NRXN3: variants seen among roughly 807,000 people sequenced by gnomAD.
NRXN3 encodes the protein neurexin 3, also known as neurexin III.
In NRXN3, 32 loss-of-function variants were observed where a neutral mutation model predicts 137.6. The ratio of observed to expected loss-of-function variants is 0.23; its 90% confidence interval spans 0.18 to 0.31. The LOEUF (loss-of-function observed/expected upper bound fraction) is 0.31, where lower values mean the gene tolerates loss of function less well. Among genes scored for constraint, NRXN3 ranks in the 10% least tolerant of loss-of-function variants. The pLI is 1.00. For missense variants in NRXN3, 1,574 were observed against 2,062.5 expected (o/e 0.76, Z 4.59); for synonymous variants, 798 against 784.5 (o/e 1.02, Z -0.29).
chr14:78,882,981 T>A (rs2099133613), intron 10 of NRXN3, among the ~76,000 whole-genome samples: 1 of 152,118 alleles, frequency 6.6e-6, no homozygotes, highest in South Asian at 2.1e-4. Flanking sequence ...GTGAGTGAGT[T>A]CTCACAAGAG....
intron 18 of NRXN3, among the ~76,000 whole-genome samples, chr14:79,693,344 GAC>G (rs2098723146): frequency 6.6e-6 from 1 of 151,990 alleles, no homozygotes; most frequent in African/African-American, 2.4e-5. Context: ...GTTGGAGGAA[GAC>G]ATTCAGACCT....
intron 4 of NRXN3, among the ~76,000 whole-genome samples, chr14:78,557,123 T>C (rs2096746183): frequency 6.7e-6 from 1 of 150,292 alleles, no homozygotes. Flanking sequence ...TGGCTGAATG[T>C]AGCCTTAACT....
At chr14:78,949,104 C>A (rs1371085161) in intron 10 of NRXN3, among the ~76,000 whole-genome samples, 1 of 152,168 alleles carries the variant, frequency 6.6e-6, no homozygotes, top group Non-Finnish European at 1.5e-5. Context: ...CAAAAAGCTG[C>A]ATTTTTTCTG....
chr14:79,548,942 T>A (rs1417086102), intron 16 of NRXN3, among the ~76,000 whole-genome samples: 1 of 152,114 alleles, frequency 6.6e-6, no homozygotes, highest in African/African-American at 2.4e-5. Flanking sequence ...TAATCTCCTA[T>A]GCTGACTTTA....
At chr14:78,330,996 G>A (rs2080752097) in intron 4 of NRXN3, among the ~76,000 whole-genome samples, 1 of 152,040 alleles carries the variant, frequency 6.6e-6, no homozygotes, top group Admixed American at 6.5e-5. Context: ...AAACATTGGA[G>A]TCAGAATCTG....
chr14:78,926,757 A>AAT (rs2099296572), intron 10 of NRXN3, among the ~76,000 whole-genome samples: 2 of 48,966 alleles, frequency 4.1e-5, no homozygotes, highest in East Asian at 7.4e-4. Flanking sequence ...TATATTATAT[A>AAT]TATATTATAT....
intron 4 of NRXN3, among the ~76,000 whole-genome samples, chr14:78,317,141 G>A (rs1254982674): frequency 6.6e-6 from 1 of 152,188 alleles, no homozygotes; most frequent in Admixed American, 6.5e-5. Context: ...CCCAGTCTGA[G>A]GGCAGGAGAA....
At chr14:78,804,820 G>C (rs1372962345) in intron 9 of NRXN3, among the ~76,000 whole-genome samples, 1 of 152,260 alleles carries the variant, frequency 6.6e-6, no homozygotes, top group Non-Finnish European at 1.5e-5. Flanking sequence ...TCAGCAGAAA[G>C]TCAATACCCA....
At chr14:78,378,667 T>C (rs1332680311) in intron 4 of NRXN3, among the ~76,000 whole-genome samples, 1 of 151,734 alleles carries the variant, frequency 6.6e-6, no homozygotes, top group Non-Finnish European at 1.5e-5. Flanking sequence ...AATACATACA[T>C]TAGAAAAGAG....
chr14:78,802,347 C>A (rs189787747), intron 8 of NRXN3, among the ~76,000 whole-genome samples: 1 of 152,134 alleles, frequency 6.6e-6, no homozygotes, highest in East Asian at 1.9e-4. Flanking sequence ...AACACATGGA[C>A]ACAGGAAGGG....
At chr14:78,860,246 T>C (rs534522273) in intron 10 of NRXN3, among the ~76,000 whole-genome samples, 22 of 152,302 alleles carry the variant, frequency 1.4e-4, no homozygotes, top group African/African-American at 5.3e-4. Flanking sequence ...AGCTATTACA[T>C]AGGTATTTTT....
At chr14:79,105,643 G>C (rs538718434) in intron 15 of NRXN3, among the ~76,000 whole-genome samples, 7 of 152,184 alleles carry the variant, frequency 4.6e-5, no homozygotes, top group Middle Eastern at 3.4e-3. Flanking sequence ...GCAGAGCTGA[G>C]CAAACATAAG....
At chr14:78,823,905 A>G (rs1385964813) in intron 10 of NRXN3, among the ~76,000 whole-genome samples, 1 of 152,058 alleles carries the variant, frequency 6.6e-6, no homozygotes, top group Non-Finnish European at 1.5e-5. Context: ...CAAAAAGTAA[A>G]CCAGAGGATA....
At chr14:79,580,945 AT>A (rs1006597903) in intron 16 of NRXN3, among the ~76,000 whole-genome samples, 2 of 152,122 alleles carry the variant, frequency 1.3e-5, no homozygotes, top group African/African-American at 4.8e-5. Flanking sequence ...CTATTAATAA[AT>A]CTTATTTCCA....
intron 19 of NRXN3, among the ~76,000 whole-genome samples, chr14:79,713,977 TAC>T (rs957335120): frequency 3.9e-5 from 6 of 152,250 alleles, no homozygotes; most frequent in African/African-American, 1.4e-4. Context: ...GGTTCCATCC[TAC>T]AGTGTTTGGT....
chr14:78,621,685 A>G (rs963063956), intron 4 of NRXN3, among the ~76,000 whole-genome samples: 3 of 152,216 alleles, frequency 2.0e-5, no homozygotes, highest in Admixed American at 6.5e-5. Flanking sequence ...TAAATTGTAC[A>G]TAAGTACTGT....
At chr14:78,450,820 G>A (rs1054308630) in intron 4 of NRXN3, among the ~76,000 whole-genome samples, 6 of 152,158 alleles carry the variant, frequency 3.9e-5, no homozygotes, top group South Asian at 2.1e-4. Context: ...ATGGTGGCGC[G>A]AGAGGTTAGA....
intron 4 of NRXN3, among the ~76,000 whole-genome samples, chr14:78,536,409 G>T (rs2096535699): frequency 6.6e-6 from 1 of 152,128 alleles, no homozygotes; most frequent in African/African-American, 2.4e-5. Context: ...GTTTGCTTCT[G>T]AGGAAACCCA....
intron 4 of NRXN3, among the ~76,000 whole-genome samples, chr14:78,601,304 T>G (rs1371423744): frequency 6.6e-6 from 1 of 152,198 alleles, no homozygotes; most frequent in Non-Finnish European, 1.5e-5. Context: ...AGTTCTCAAC[T>G]GATACCCAGA....
Sources: gnomAD v4.1 joint callset for allele counts (sites outside exome capture counted in the v4.1 genomes callset) on GRCh38, gnomAD v4.1.1 for gene constraint, MANE v1.5 for transcripts, NCBI Gene and HGNC (gene_info 2026-07-23, HGNC 2026-07-21) for gene names.